The following EIPR1 variants were observed in gnomAD, a reference collection of about 807,000 sequenced individuals.
EIPR1 encodes the protein EARP and GARP complex-interacting protein 1.
A neutral mutation model predicts 48.1 loss-of-function variants in EIPR1; 25 were observed. The observed-to-expected ratio is 0.52, with a 90% CI of 0.38 to 0.73. The LOEUF (loss-of-function observed/expected upper bound fraction) is 0.73. Among genes scored for constraint, EIPR1 ranks in the 30% least tolerant of loss-of-function variants. The pLI is 0.00. For synonymous variants in EIPR1, 204 were observed against 201.9 expected (o/e 1.01, Z -0.09); for missense variants, 415 against 506.2 (o/e 0.82, Z 1.73).
At chr2:3,214,500 A>G (rs1665563078) in intron 4 of EIPR1, 2 of 382,028 alleles carry the variant, frequency 5.2e-6, no homozygotes, top group Non-Finnish European at 9.6e-6. Flanking sequence ...GTGATGCTGC[A>G]GAGGTTCGTC....
intron 4 of EIPR1, among the ~76,000 whole-genome samples, chr2:3,253,405 A>T (rs958339548): frequency 1.3e-5 from 2 of 152,178 alleles, no homozygotes; most frequent in Admixed American, 6.5e-5. Flanking sequence ...GTGGTCACTC[A>T]TATTCAGCTC....
At chr2:3,216,426 C>G (rs1166397278) in intron 4 of EIPR1, among the ~76,000 whole-genome samples, 3 of 152,162 alleles carry the variant, frequency 2.0e-5, no homozygotes, top group African/African-American at 4.8e-5. Context: ...CAGCAAGACG[C>G]AGTGTACGTC....
intron 7 of EIPR1, among the ~76,000 whole-genome samples, chr2:3,193,059 G>A (rs535485731): frequency 8.5e-4 from 129 of 152,300 alleles, no homozygotes; most frequent in African/African-American, 3.0e-3. Context: ...TTGCTGGCGT[G>A]GGTCCTAGAG....
intron 3 of EIPR1, among the ~76,000 whole-genome samples, chr2:3,328,860 A>G: frequency 3.2e-5 from 4 of 124,856 alleles, no homozygotes; most frequent in Admixed American, 8.4e-5. Context: ...GGCTCCCCTG[A>G]ATCAGAGCCC....
In EIPR1 at chr2:3,331,286, T is replaced by G. The variant is rs530795364; in HGVS notation, c.259+6731A>C. Among the ~76,000 whole-genome samples, 81 of 81,160 alleles carry G rather than the reference T, an allele frequency of 1.0e-3. 5 individuals are homozygous for G. The highest frequency in any genetic ancestry group is 4.9e-3 in the African/African-American group (73 of 14,894). The allele number at this position is 81,160 out of a possible 152,430, so 53.2% of individuals were successfully genotyped here. A position where few individuals can be genotyped will look rare whatever the true frequency, so the allele number is the denominator to read the frequency against. ...GAGATGGTGTGAGCAGAGGCAGGTG[T>G]GTATACACTCATGAGATGGTTTCAG... is the stretch of plus-strand genomic sequence containing the variant. On this transcript the variant is annotated intron_variant, in intron 3 of 8. Transcript: ENST00000382125.
chr2:3,213,495 T>C (rs1051826781), intron 5 of EIPR1, among the ~76,000 whole-genome samples: 3 of 152,250 alleles, frequency 2.0e-5, no homozygotes, highest in Non-Finnish European at 4.4e-5. Context: ...GGCACCACTA[T>C]GAAATTAAAA....
At chr2:3,349,699 G>A (rs1347937972) in intron 2 of EIPR1, among the ~76,000 whole-genome samples, 1 of 150,708 alleles carries the variant, frequency 6.6e-6, no homozygotes, top group East Asian at 2.0e-4. Context: ...GCTGTGAGAT[G>A]GGGACAGGGA....
intron 4 of EIPR1, among the ~76,000 whole-genome samples, chr2:3,242,531 G>A (rs1170990765): frequency 2.7e-5 from 4 of 150,816 alleles, no homozygotes; most frequent in African/African-American, 9.8e-5. Context: ...CTGACGGCTG[G>A]AAGACAGAGA....
At chr2:3,213,723 G>A (rs1468329689) in intron 5 of EIPR1, among the ~76,000 whole-genome samples, 2 of 152,170 alleles carry the variant, frequency 1.3e-5, no homozygotes, top group Non-Finnish European at 2.9e-5. Context: ...GCTTTCACCT[G>A]AAAGACCCCA....
At chr2:3,336,072 A>C (rs1295084000) in intron 3 of EIPR1, among the ~76,000 whole-genome samples, 2 of 152,134 alleles carry the variant, frequency 1.3e-5, no homozygotes, top group Non-Finnish European at 2.9e-5. Context: ...GCCTCTCAAG[A>C]AGCCAAGGAA....
At chr2:3,320,182 C>A in intron 3 of EIPR1, 1 of 167,538 alleles carries the variant, frequency 6.0e-6, no homozygotes, top group South Asian at 1.0e-4. Flanking sequence ...TATGGGTGAC[C>A]CGCACCTGCA....
chr2:3,301,905 C>T (rs1668771815), intron 3 of EIPR1, among the ~76,000 whole-genome samples: 3 of 152,336 alleles, frequency 2.0e-5, no homozygotes, highest in East Asian at 1.9e-4. Context: ...CTGGGCTTCT[C>T]ACTTCTAAAA....
chr2:3,193,258 C>T (rs1482504792), intron 7 of EIPR1, among the ~76,000 whole-genome samples: 1 of 152,216 alleles, frequency 6.6e-6, no homozygotes, highest in African/African-American at 2.4e-5. Flanking sequence ...CACTACCAAT[C>T]CGGGGTTTTA....
At chr2:3,326,961 C>T (rs934651727) in intron 3 of EIPR1, among the ~76,000 whole-genome samples, 15 of 152,192 alleles carry the variant, frequency 9.9e-5, no homozygotes, top group Non-Finnish European at 2.9e-5. Flanking sequence ...GATGAGCGGC[C>T]GAAGCTGCGT....
chr2:3,220,268 T>C (rs1301982704), intron 4 of EIPR1, among the ~76,000 whole-genome samples: 1 of 151,904 alleles, frequency 6.6e-6, no homozygotes, highest in African/African-American at 2.4e-5. Context: ...ATTTATAGAG[T>C]CAGGAACACA....
intron 1 of EIPR1, among the ~76,000 whole-genome samples, chr2:3,374,612 A>G (rs1659811632): frequency 6.6e-6 from 1 of 152,172 alleles, no homozygotes; most frequent in Non-Finnish European, 1.5e-5. Context: ...TTATGCAGCC[A>G]AAAGACACAT....
At chr2:3,334,485 GTGACT>G (rs1420234467) in intron 3 of EIPR1, among the ~76,000 whole-genome samples, 20 of 152,380 alleles carry the variant, frequency 1.3e-4, no homozygotes, top group Non-Finnish European at 2.9e-5. Context: ...GCTTAGGTCT[GTGACT>G]CCAGGCTTTT....
chr2:3,352,174 G>A (rs1334457005), intron 2 of EIPR1, among the ~76,000 whole-genome samples: 9 of 132,806 alleles, frequency 6.8e-5, no homozygotes, highest in Non-Finnish European at 1.5e-4. Context: ...GTCTGTTCCG[G>A]ACACCTTTGA....
chr2:3,285,968 C>T (rs1011234610), intron 3 of EIPR1, among the ~76,000 whole-genome samples: 13 of 152,202 alleles, frequency 8.5e-5, no homozygotes, highest in Non-Finnish European at 1.5e-4. Flanking sequence ...CCGATGTCTC[C>T]GGGACCCTCA....
Sources: allele counts gnomAD v4.1 joint callset (sites outside exome capture counted in the v4.1 genomes callset), GRCh38; gene constraint gnomAD v4.1.1; transcripts MANE v1.5; gene names NCBI Gene and HGNC (gene_info 2026-07-23, HGNC 2026-07-21).